Variants in METTL6 observed in about 807,000 individuals in gnomAD.
The protein encoded by METTL6 is methyltransferase 6, tRNA N3-cytidine, also known as tRNA N(3)-cytidine methyltransferase METTL6.
In METTL6, 22 loss-of-function variants were observed where a neutral mutation model predicts 26.4. That is an observed-to-expected ratio of 0.83 (90% CI 0.59 to 1.19). METTL6 has a LOEUF of 1.19. Among genes scored for constraint, METTL6 ranks in the 50% most tolerant of loss-of-function variants. The pLI is 0.00. For missense variants in METTL6, 304 were observed against 324.8 expected (o/e 0.94, Z 0.49); for synonymous variants, 109 against 116.2 (o/e 0.94, Z 0.40).
rs191626158 is a variant in METTL6 at position 15,401,373 on chromosome 3, C to T, written c.*11+9872G>A. 2.0e-5 allele frequency among the ~76,000 whole-genome samples: 3 copies of T among 151,638 alleles called. No homozygotes were observed. The East Asian group carries it at 5.8e-4, about 29-fold the overall frequency. ...ATTTTCTGTAGAAATGGGGTTTCAC[C>T]ATATTGTCCAGCCTGGTCTCGAATT... On this transcript the variant is annotated intron_variant, in intron 6 of 6. Coordinates refer to the METTL6 transcript ENST00000443029.
At position 15,415,882 on chromosome 3, in the gene METTL6, C is replaced by G; in HGVS notation, c.421G>C (p.Asp141His). The stretch of plus-strand genomic sequence containing the variant: ...TCTGGCGGTACATGATCCAGAAGAT[C>G]ATCTTTAGTCAGATCACACTGGAAT... ...KVFQCDLTKD[D>H]LLDHVPPESV... The change falls in exon 4 of 6, where the codon GAT (aspartate) becomes CAT (histidine). Residue 141 changes from aspartate (D) to histidine (H), a missense_variant. Transcript: ENST00000383790. 1 of 1,614,112 alleles carries G rather than the reference C, an allele frequency of 6.2e-7. No individual in the cohort carries two copies. The highest frequency in any genetic ancestry group is 8.5e-7 in the Non-Finnish European group (1 of 1,180,014).
At chr3:15,426,690 G>C in intron 1 of METTL6, 55 bp from the exon 2 acceptor site, 1 of 615,112 alleles carries the variant, frequency 1.6e-6, no homozygotes, top group Non-Finnish European at 2.8e-6. Flanking sequence ...AAGACGCCAG[G>C]TTCAATTCAC....
rs200195146 is a variant in METTL6, at chr3:15,384,169, C to T, written c.*30G>A. 3.2e-3 allele frequency: 1,227 copies of T among 380,892 alleles called. 5 individuals are homozygous for T. The highest frequency in any genetic ancestry group is 4.8e-3 in the Non-Finnish European group (958 of 199,672). The allele number at this position is 380,892 out of a possible 1,614,324, so 23.6% of individuals were successfully genotyped here. A position where few individuals can be genotyped will look rare whatever the true frequency, so the allele number is the denominator to read the frequency against. ...GATATCCTACAAAGAATCCCAGGTT[C>T]CAGACTTTTGTTTGAGACCTGAAAA... is the stretch of plus-strand genomic sequence containing the variant. On this transcript the variant is annotated 3_prime_UTR_variant, in exon 7 of 7. Transcript: ENST00000443029.
chr3:15,408,984 T>G (rs189488339), downstream of METTL6, among the ~76,000 whole-genome samples: 1 of 152,192 alleles, frequency 6.6e-6, no homozygotes, highest in East Asian at 1.9e-4. Context: ...GGACTGAAAG[T>G]GCGGAGCTTG....
chr3:15,393,231 C>T (rs1379778665), intron 6 of METTL6, among the ~76,000 whole-genome samples: 2 of 152,120 alleles, frequency 1.3e-5, no homozygotes, highest in Admixed American at 6.6e-5. Flanking sequence ...AAGTTGGATT[C>T]CTAGGTATTT....
chr3:15,417,899 A>C (rs1201992438), intron 3 of METTL6, among the ~76,000 whole-genome samples: 1 of 152,202 alleles, frequency 6.6e-6, no homozygotes, highest in Non-Finnish European at 1.5e-5. Flanking sequence ...TCCAAGAATA[A>C]CAGGAAATTG....
chr3:15,397,451 A>G lies in METTL6; in HGVS notation c.*12-13264T>C, dbSNP rs193204687. 1.1e-3 allele frequency among the ~76,000 whole-genome samples: 174 copies of G among 152,024 alleles called. 1 individual carries two copies. Among genetic ancestry groups the G allele is most frequent in the Middle Eastern group, 3.4e-3 (1 of 294 alleles). ...TGCTTCCCCGGGGAGGCGATGCCTC[A>G]CCCTGCTTCGGCTCGGGCTCAATGC... On this transcript the variant is annotated intron_variant, in intron 6 of 6. Coordinates refer to the METTL6 transcript ENST00000443029.
intron 3 of METTL6, among the ~76,000 whole-genome samples, chr3:15,423,260 G>C (rs192731319): frequency 6.6e-6 from 1 of 152,296 alleles, no homozygotes; most frequent in African/African-American, 2.4e-5. Context: ...GCCAGGAGTG[G>C]TGGGCACTTG....
At chr3:15,418,378 A>C (rs1260520351) in intron 3 of METTL6, among the ~76,000 whole-genome samples, 1 of 152,216 alleles carries the variant, frequency 6.6e-6, no homozygotes, top group Non-Finnish European at 1.5e-5. Flanking sequence ...AATGCTAAAA[A>C]CCAAAAATAT....
chr3:15,412,522 T>C (rs1047093852), intron 5 of METTL6, among the ~76,000 whole-genome samples: 1 of 152,200 alleles, frequency 6.6e-6, no homozygotes, highest in Non-Finnish European at 1.5e-5. Flanking sequence ...TCTCGCCCTG[T>C]CGCCCAGGCT....
chr3:15,414,622 G>C (rs1700115119), intron 4 of METTL6: 1 of 277,236 alleles, frequency 3.6e-6, no homozygotes, highest in Admixed American at 5.1e-5. Context: ...CCCAAAGTTG[G>C]GATTACAGGC....
Position 15,411,450 on chromosome 3 carries a change from C to A in METTL6, c.674-13G>T. On this transcript the variant is annotated splice_polypyrimidine_tract_variant and intron_variant, in intron 5 of 5. Transcript: ENST00000383790. Reference sequence around the variant, plus strand: ...TGAGCCAGGAAGTCTGTAAGACAAGCATCAACAATGCTCAACAGTCTTCAT... The same window carrying A: ...TGAGCCAGGAAGTCTGTAAGACAAGAATCAACAATGCTCAACAGTCTTCAT... 6.2e-7 allele frequency: 1 copy of A among 1,611,672 alleles called. No individual in the cohort carries two copies.
intron 6 of METTL6, among the ~76,000 whole-genome samples, chr3:15,391,183 T>C (rs986622648): frequency 6.6e-6 from 1 of 152,244 alleles, no homozygotes; most frequent in African/African-American, 2.4e-5. Flanking sequence ...AATGCTCAGC[T>C]GCTGTGTTGC....
intron 6 of METTL6, among the ~76,000 whole-genome samples, chr3:15,404,190 C>T (rs1370239646): frequency 6.6e-6 from 1 of 152,114 alleles, no homozygotes; most frequent in Non-Finnish European, 1.5e-5. Context: ...GTTCAAATGC[C>T]TCTGACACCC....
At chr3:15,415,636 A>G (rs1480279011) in intron 4 of METTL6, 136 bp downstream of exon 4, 1 of 1,607,056 alleles carries the variant, frequency 6.2e-7, no homozygotes, top group South Asian at 1.1e-5. Context: ...ACCCCTTTCT[A>G]TACACTCACT....
downstream of METTL6, among the ~76,000 whole-genome samples, chr3:15,408,749 A>G (rs1451286592): frequency 6.6e-6 from 1 of 151,352 alleles, no homozygotes; most frequent in South Asian, 2.1e-4. Flanking sequence ...TAATTTTCTT[A>G]TTTTTTTCAT....
exon 7 of METTL6, chr3:15,383,697 T>C (rs1392876395): frequency 6.6e-6 from 1 of 152,370 alleles, no homozygotes; most frequent in East Asian, 1.9e-4. Flanking sequence ...TATTTGTCAA[T>C]TAAAAATGTA....
chr3:15,414,284 A>G, intron 4 of METTL6, 122 bp from the exon 5 acceptor site: 1 of 1,468,262 alleles, frequency 6.8e-7, no homozygotes, highest in Non-Finnish European at 8.9e-7. Context: ...AATGCCCATA[A>G]TACGGAACCA....
rs573049318 is a variant in METTL6, at chr3:15,395,444, T to C, written c.*12-11257A>G. 6.3e-4 allele frequency among the ~76,000 whole-genome samples: 96 copies of C among 152,244 alleles called. 2 individuals carry two copies. Among genetic ancestry groups the C allele is most frequent in the Non-Finnish European group, 5.3e-4 (36 of 68,036 alleles). ...ATACAGCAGACTGATGGGTCTTGAC[T>C]CTTTATCCAATTTGCCACTCTGGGT... On this transcript the variant is annotated intron_variant, in intron 6 of 6. Coordinates refer to the METTL6 transcript ENST00000443029.
Sources: allele counts gnomAD v4.1 joint callset (sites outside exome capture counted in the v4.1 genomes callset), GRCh38; gene constraint gnomAD v4.1.1; transcripts MANE v1.5; gene names NCBI Gene and HGNC (gene_info 2026-07-23, HGNC 2026-07-21).